RERE: variants seen among roughly 807,000 people sequenced by gnomAD.
RERE encodes the protein arginine-glutamic acid dipeptide repeats protein.
Under a neutral mutation model 146.1 loss-of-function variants are expected in RERE, and 40 were observed. The ratio of observed to expected loss-of-function variants is 0.27; its 90% CI spans 0.21 to 0.36. RERE has a LOEUF of 0.36. RERE is among the 10% of genes least tolerant of loss of function. The pLI is 1.00. For missense variants in RERE, 1,933 were observed against 2,138.7 expected, an observed-to-expected ratio of 0.90 and a Z score of 1.90; for synonymous variants, 1,003 against 866.0, an observed-to-expected ratio of 1.16 and a Z score of -2.78.
intron 1 of RERE, among the ~76,000 whole-genome samples, chr1:8,760,474 G>T (rs1176523535): frequency 6.6e-6 from 1 of 152,212 alleles, no homozygotes; most frequent in East Asian, 1.9e-4. Context: ...TTTGTTGCAA[G>T]TATCTGCAGG....
intron 1 of RERE, among the ~76,000 whole-genome samples, chr1:8,741,657 A>C (rs1640312720): frequency 6.6e-6 from 1 of 152,166 alleles, no homozygotes; most frequent in South Asian, 2.1e-4. Context: ...TTCCACCATG[A>C]TTGTAAGTTT....
At chr1:8,397,417 A>G (rs1174035879) in intron 12 of RERE, among the ~76,000 whole-genome samples, 1 of 145,874 alleles carries the variant, frequency 6.9e-6, no homozygotes, top group Non-Finnish European at 1.5e-5. Flanking sequence ...TAAATTTTAC[A>G]GCATCTAAGA....
At position 8,364,563 on chromosome 1, in the gene RERE, C is replaced by T. The variant is rs1213636337; in HGVS notation, c.1540+183G>A. Among the ~76,000 whole-genome samples the T allele has an allele frequency of 1.3e-5, 2 of 152,138 alleles. No individual in the cohort carries two copies. The highest frequency in any genetic ancestry group is 2.9e-5 in the Non-Finnish European group (2 of 68,038). The stretch of plus-strand genomic sequence containing the variant: ...CTGCCTACCAGTCAGTATTCCATAC[C>T]GACTGCCAAGCAGAGGAGTAAAGTA... On this transcript the variant is annotated intron_variant, in intron 14 of 22. Transcript: ENST00000400908. The surrounding 1 kb of genome is among the most constrained non-coding windows in gnomAD (Gnocchi z 5.1).
At chr1:8,531,249 C>A (rs1276926045) in intron 7 of RERE, among the ~76,000 whole-genome samples, 1 of 152,030 alleles carries the variant, frequency 6.6e-6, no homozygotes, top group Non-Finnish European at 1.5e-5. Flanking sequence ...TTGAGACCAG[C>A]CTGGCCAATG....
In RERE at chr1:8,384,309, T is replaced by C. The variant is rs374429008; in HGVS notation, c.1285-18335A>G. ...TTCCTGCTGCCCTAGTTTTTTCTTG[T>C]GGGATACAATGTCAGTTCTGTAATC... On this transcript the variant is annotated intron_variant, in intron 12 of 22. Coordinates refer to ENST00000400908, the MANE Select transcript of RERE (RefSeq NM_001042681.2). Among the ~76,000 whole-genome samples, 13 of 152,304 alleles carry C rather than the reference T, an allele frequency of 8.5e-5. No homozygotes were observed. In the East Asian group the frequency reaches 2.3e-3, roughly 27 times the overall value.
At chr1:8,467,068 A>G (rs115243681) in intron 10 of RERE, among the ~76,000 whole-genome samples, 118 of 152,324 alleles carry the variant, frequency 7.7e-4, no homozygotes, top group African/African-American at 2.8e-3. Context: ...CACAGTCCAT[A>G]GTATAAGGTA....
chr1:8,527,723 T>C (rs1395586811), intron 7 of RERE, among the ~76,000 whole-genome samples: 1 of 152,202 alleles, frequency 6.6e-6, no homozygotes, highest in African/African-American at 2.4e-5. Flanking sequence ...TTGTCTTTCC[T>C]GGTGCTGGCA....
In RERE at chr1:8,373,948, C is replaced by T. The variant is rs796470562; in HGVS notation, c.1285-7974G>A. 5.9e-5 allele frequency among the ~76,000 whole-genome samples: 9 copies of T among 152,308 alleles called. 1 individual carries two copies. Among genetic ancestry groups the T allele is most frequent in the African/African-American group, 1.9e-4 (8 of 41,556 alleles). The stretch of plus-strand genomic sequence containing the variant: ...CTCCTGGGCTCCTTCTTTTGTTAAC[C>T]AACCGAATCCTCTAATCCCTAAAGG... On this transcript the variant is annotated intron_variant, in intron 12 of 22. Coordinates refer to ENST00000400908, the MANE Select transcript of RERE (RefSeq NM_001042681.2).
chr1:8,600,034 G>A (rs1385274570), intron 4 of RERE, among the ~76,000 whole-genome samples: 3 of 152,200 alleles, frequency 2.0e-5, no homozygotes, highest in African/African-American at 7.2e-5. Context: ...GGAGATAAAT[G>A]GATCACGGCG....
At chr1:8,800,449 G>A (rs951734998) in intron 1 of RERE, among the ~76,000 whole-genome samples, 8 of 152,082 alleles carry the variant, frequency 5.3e-5, no homozygotes, top group Non-Finnish European at 1.2e-4. Context: ...GAGAGACCAC[G>A]AAAGTATATC....
In RERE at chr1:8,360,714, C is replaced by G; in HGVS notation, c.2793G>C (p.Pro931=). The change falls in exon 18 of 23, where the codon CCG becomes CCC. Residue 931 remains proline, a synonymous_variant. Coordinates refer to ENST00000400908, the MANE Select transcript of RERE (RefSeq NM_001042681.2). ...GCAGCTGGGGGATGGGAGTGGTAGG[C>G]GGGGGCTTGATGTGGGGCATGGCCA... ...APLAMPHIKP[P]PTTPIPQLPA... The G allele has an allele frequency of 6.4e-7, 1 of 1,566,508 alleles. No homozygotes were observed. Among genetic ancestry groups the G allele is most frequent in the East Asian group, 2.3e-5 (1 of 42,762 alleles).
chr1:8,554,773 A>T lies in RERE; in HGVS notation c.725+1702T>A, dbSNP rs575643000. Among the ~76,000 whole-genome samples the T allele has an allele frequency of 6.6e-5, 10 of 152,138 alleles. No individual in the cohort carries two copies. The East Asian group carries it at 1.5e-3, about 24-fold the overall frequency. On this transcript the variant is annotated intron_variant, in intron 6 of 22. Coordinates refer to ENST00000400908, the MANE Select transcript of RERE (RefSeq NM_001042681.2). ...CAGGATTAAGTCACCGGTCCCAGGT[A>T]ACAATATTCCAGGATTAAGTCACCG...
intron 6 of RERE, among the ~76,000 whole-genome samples, chr1:8,555,672 G>A (rs937010126): frequency 1.3e-5 from 2 of 152,098 alleles, no homozygotes; most frequent in African/African-American, 4.8e-5. Flanking sequence ...AAGAATATCA[G>A]TAGTCTTACT....
At chr1:8,520,263 C>A (rs1198180972) in intron 7 of RERE, among the ~76,000 whole-genome samples, 2 of 152,040 alleles carry the variant, frequency 1.3e-5, no homozygotes, top group East Asian at 3.8e-4. Context: ...TAGAAGAAAT[C>A]AAGGCCTGAG....
chr1:8,734,544 A>G (rs947435374), intron 1 of RERE, among the ~76,000 whole-genome samples: 1 of 152,228 alleles, frequency 6.6e-6, no homozygotes, highest in South Asian at 2.1e-4. Flanking sequence ...GCACACAAAC[A>G]TGGGCTGACT....
At chr1:8,506,222 C>T (rs966012042) in intron 8 of RERE, among the ~76,000 whole-genome samples, 2 of 152,100 alleles carry the variant, frequency 1.3e-5, no homozygotes, top group Non-Finnish European at 2.9e-5. Context: ...GTTCCCAGAC[C>T]GAAAATACAG....
At chr1:8,404,932 GGA>G (rs1643396507) in intron 12 of RERE, among the ~76,000 whole-genome samples, 1 of 152,154 alleles carries the variant, frequency 6.6e-6, no homozygotes, top group South Asian at 2.1e-4. Flanking sequence ...TGCCAAAGCT[GGA>G]GAGATGAAGC....
Position 8,678,585 on chromosome 1 carries a change from TGGGAGGCGGAGGTTGCA to T in RERE, c.-144-22161_-144-22145del, listed in dbSNP as rs60557689. On this transcript the variant is annotated intron_variant, in intron 1 of 22. Transcript: ENST00000400908. ...AATCAGGAACCGAATCGATTGAACC[TGGGAGGCGGAGGTTGCA>T]GGGAGGCGGAGGTTGCAGGGAGGCG... Among the ~76,000 whole-genome samples the T allele has an allele frequency of 4.5e-3, 672 of 150,740 alleles. 4 individuals are homozygous for T. The highest frequency in any genetic ancestry group is 0.011 in the African/African-American group (450 of 40,622).
rs746969667 is a variant in RERE, at chr1:8,450,720, G to A, written c.1203+15205C>T. Among the ~76,000 whole-genome samples, 26 of 152,200 alleles carry A rather than the reference G, an allele frequency of 1.7e-4. 1 individual carries two copies. Among genetic ancestry groups the A allele is most frequent in the Middle Eastern group, 3.4e-3 (1 of 294 alleles). On this transcript the variant is annotated intron_variant, in intron 11 of 22. Transcript: ENST00000400908. Reference sequence around the variant, plus strand: ...TCAACAGTAGCAATCCTGTCTCACCGTCTCATCAACCATGCCCATCCGGGT... The same window carrying A: ...TCAACAGTAGCAATCCTGTCTCACCATCTCATCAACCATGCCCATCCGGGT...
Sources: gnomAD v4.1 joint callset for allele counts (sites outside exome capture counted in the v4.1 genomes callset) on GRCh38, gnomAD v4.1.1 for gene constraint, Gnocchi (gnomAD v3.1) non-coding constraint, MANE v1.5 for transcripts, NCBI Gene and HGNC (gene_info 2026-07-23, HGNC 2026-07-21) for gene names.